Variants in SCAMP1 observed in about 807,000 individuals in gnomAD.
SCAMP1 encodes the protein secretory carrier-associated membrane protein 1.
A neutral mutation model predicts 41.8 loss-of-function variants in SCAMP1; 15 were observed. The ratio of observed to expected loss-of-function variants is 0.36; its 90% confidence interval spans 0.24 to 0.55. The LOEUF is 0.55. Ranked by LOEUF, SCAMP1 falls within the 20% of genes least tolerant of loss-of-function variation. The probability of loss-of-function intolerance (pLI) is 0.86; values close to 1 mark genes in which losing one functional copy is unlikely to be tolerated. For missense variants in SCAMP1, 341 were observed against 412.6 expected (o/e 0.83, Z 1.50); for synonymous variants, 135 against 136.8 (o/e 0.99, Z 0.09).
At chr5:78,460,784 C>CTTTCTTT in intron 8 of SCAMP1, among the ~76,000 whole-genome samples, 1 of 35,308 alleles carries the variant, frequency 2.8e-5, no homozygotes, top group African/African-American at 2.0e-4. Context: ...TTCCTTCCTT[C>CTTTCTTT]CTTCCTTCCT....
chr5:78,388,079 T>C (rs190600844), intron 1 of SCAMP1, among the ~76,000 whole-genome samples: 5 of 152,360 alleles, frequency 3.3e-5, no homozygotes, highest in African/African-American at 1.2e-4. Flanking sequence ...TCAAAGGGTC[T>C]GTGGATTCTC....
intron 6 of SCAMP1, among the ~76,000 whole-genome samples, chr5:78,447,249 C>A (rs1196501083): frequency 6.6e-6 from 1 of 152,232 alleles, no homozygotes; most frequent in Non-Finnish European, 1.5e-5. Context: ...TTCATGTTAA[C>A]TCATTGCCAT....
intron 1 of SCAMP1, among the ~76,000 whole-genome samples, chr5:78,379,058 GAAGA>G (rs774082406): frequency 6.6e-6 from 1 of 152,182 alleles, no homozygotes; most frequent in Non-Finnish European, 1.5e-5. Flanking sequence ...TGTTGGAGAA[GAAGA>G]ATAACATTTT....
At chr5:78,440,070 T>A (rs1215754167) in intron 6 of SCAMP1, among the ~76,000 whole-genome samples, 2 of 152,194 alleles carry the variant, frequency 1.3e-5, no homozygotes, top group Non-Finnish European at 2.9e-5. Context: ...CCTTTTAAGG[T>A]CTTCTCTATG....
chr5:78,384,040 A>G (rs564847567), intron 1 of SCAMP1, among the ~76,000 whole-genome samples: 3 of 152,028 alleles, frequency 2.0e-5, no homozygotes, highest in Non-Finnish European at 2.9e-5. Context: ...CATTTTCACA[A>G]TATTGATTCT....
chr5:78,366,824 T>G (rs534445547), intron 1 of SCAMP1, among the ~76,000 whole-genome samples: 29 of 147,712 alleles, frequency 2.0e-4, no homozygotes, highest in African/African-American at 6.2e-4. Flanking sequence ...CCATCTCTAC[T>G]AAAATTTAAA....
intron 1 of SCAMP1, among the ~76,000 whole-genome samples, chr5:78,367,124 T>G (rs1397796837): frequency 6.6e-6 from 1 of 152,172 alleles, no homozygotes; most frequent in Non-Finnish European, 1.5e-5. Context: ...ACTGCATGAA[T>G]TCCTGCTCAT....
chr5:78,472,135 A>T (rs1040315558), intron 8 of SCAMP1, among the ~76,000 whole-genome samples: 1 of 152,172 alleles, frequency 6.6e-6, no homozygotes, highest in African/African-American at 2.4e-5. Context: ...CTAAAGTGAC[A>T]GTACAGATAA....
chr5:78,394,827 C>T (rs918080302), intron 2 of SCAMP1, among the ~76,000 whole-genome samples: 3 of 152,170 alleles, frequency 2.0e-5, no homozygotes, highest in Non-Finnish European at 2.9e-5. Context: ...TAGAAATACC[C>T]GATTTGTCTT....
intron 1 of SCAMP1, among the ~76,000 whole-genome samples, chr5:78,382,811 G>GTGTGTGTGTGTGTGTGTGTGTGTT (rs1189365616): frequency 1.4e-5 from 1 of 69,208 alleles, no homozygotes; most frequent in African/African-American, 4.0e-5. Flanking sequence ...GTGTGTGTGT[G>GTGTGTGTGTGTGTGTGTGTGTGTT]TGTGTGTGCG....
At chr5:78,382,789 G>GTT (rs1751239730) in intron 1 of SCAMP1, among the ~76,000 whole-genome samples, 1 of 121,322 alleles carries the variant, frequency 8.2e-6, no homozygotes, top group East Asian at 2.0e-4. Context: ...GTGTGTGTGT[G>GTT]TGTGTGTGTG....
In SCAMP1 at chr5:78,479,831, A is replaced by G. The variant is rs1401498460; in HGVS notation, c.*4163A>G. On this transcript the variant is annotated 3_prime_UTR_variant, in exon 9 of 9. Coordinates refer to ENST00000621999, the MANE Select transcript of SCAMP1 (RefSeq NM_004866.6). ...GCCAAGGTGGGCGGATCACGAGGTC[A>G]GGAGATCGAAACCATCCTGGCTAAC... Among the ~76,000 whole-genome samples the G allele has an allele frequency of 6.6e-6, 1 of 152,134 alleles. No individual in the cohort carries two copies. Among genetic ancestry groups the G allele is most frequent in the Non-Finnish European group, 1.5e-5 (1 of 68,018 alleles).
At chr5:78,460,973 A>G (rs545183569) in intron 8 of SCAMP1, among the ~76,000 whole-genome samples, 14 of 151,674 alleles carry the variant, frequency 9.2e-5, no homozygotes, top group Non-Finnish European at 2.1e-4. Flanking sequence ...TTCCTGTCTC[A>G]GCCTCTTGAG....
intron 8 of SCAMP1, among the ~76,000 whole-genome samples, chr5:78,460,606 G>C (rs138671416): frequency 3.3e-5 from 5 of 149,874 alleles, no homozygotes; most frequent in South Asian, 4.2e-4. Flanking sequence ...TTTTTTTCTT[G>C]TTGATTTGTT....
intron 8 of SCAMP1, among the ~76,000 whole-genome samples, chr5:78,460,803 TCCTCC>T (rs1212963874): frequency 0.028 from 1,298 of 45,618 alleles, 239 homozygotes; most frequent in African/African-American, 0.095. Flanking sequence ...CTTCCTTCCT[TCCTCC>T]CTTCCTTCCT....
At chr5:78,449,029 A>G (rs1316041880) in intron 6 of SCAMP1, among the ~76,000 whole-genome samples, 1 of 152,030 alleles carries the variant, frequency 6.6e-6, no homozygotes, top group Non-Finnish European at 1.5e-5. Context: ...GTAAATAAAA[A>G]TAGAACAACC....
At chr5:78,396,156 A>G (rs1442147878) in intron 2 of SCAMP1, among the ~76,000 whole-genome samples, 2 of 152,356 alleles carry the variant, frequency 1.3e-5, no homozygotes, top group East Asian at 3.9e-4. Flanking sequence ...ACTACTCTAT[A>G]TGATACTATA....
At position 78,418,997 on chromosome 5, in the gene SCAMP1, C is replaced by G. The variant is rs187754246; in HGVS notation, c.472+94C>G. On this transcript the variant is annotated intron_variant, in intron 5 of 8. Coordinates refer to ENST00000621999, the MANE Select transcript of SCAMP1 (RefSeq NM_004866.6). ...TTCAAGGATAGTATAGCAAACCAGT[C>G]TTCTTTTTCTATAGATAAAGCTTAA... The G allele has an allele frequency of 1.3e-4, 136 of 1,022,856 alleles. No homozygotes were observed. In the East Asian group the frequency reaches 3.3e-3, roughly 25 times the overall value. 63.4% of individuals were successfully genotyped at this position (1,022,856 alleles called of 1,614,324 possible). A position where few individuals can be genotyped will look rare whatever the true frequency, so the allele number is the denominator to read the frequency against.
chr5:78,439,861 A>G (rs187793927), intron 6 of SCAMP1, among the ~76,000 whole-genome samples: 3 of 152,276 alleles, frequency 2.0e-5, no homozygotes, highest in Admixed American at 2.0e-4. Flanking sequence ...CCAATGAGAC[A>G]TAGATTTGGT....
Sources: gnomAD v4.1 joint callset for allele counts (sites outside exome capture counted in the v4.1 genomes callset) on GRCh38, gnomAD v4.1.1 for gene constraint, MANE v1.5 for transcripts, NCBI Gene and HGNC (gene_info 2026-07-23, HGNC 2026-07-21) for gene names.